Variants in EPHA5 observed in about 807,000 individuals in gnomAD.
EPHA5 encodes ephrin type-A receptor 5.
In EPHA5, 60 loss-of-function variants were observed where a neutral mutation model predicts 105.0. The observed-to-expected ratio is 0.57, with a 90% CI of 0.46 to 0.71. EPHA5 has a LOEUF of 0.71. EPHA5 is among the 30% of genes least tolerant of loss of function. EPHA5 has a pLI of 0.00. For synonymous variants in EPHA5, 513 were observed against 449.1 expected, an observed-to-expected ratio of 1.14 and a Z score of -1.80; for missense variants, 1,218 against 1,274.7, an observed-to-expected ratio of 0.96 and a Z score of 0.68.
chr4:65,331,142 G>T, intron 16 of EPHA5: 1 of 1,032,114 alleles, frequency 9.7e-7, no homozygotes, highest in Non-Finnish European at 1.2e-6. Flanking sequence ...TTTAACCTTT[G>T]AATTGGCAGG....
chr4:65,348,924 TCA>T (rs1722555047), intron 13 of EPHA5, among the ~76,000 whole-genome samples: 2 of 148,288 alleles, frequency 1.3e-5, no homozygotes, highest in Non-Finnish European at 3.0e-5. Context: ...CAAGTGATTC[TCA>T]TACTTCAGCC....
At chr4:65,559,007 C>T (rs746155455) in intron 3 of EPHA5, among the ~76,000 whole-genome samples, 4 of 152,072 alleles carry the variant, frequency 2.6e-5, no homozygotes, top group Non-Finnish European at 5.9e-5. Context: ...CAGCACACAA[C>T]ATATCCATGT....
rs371628908 is a variant in EPHA5 at position 65,472,458 on chromosome 4, C to T, written c.1402+17919G>A. Among the ~76,000 whole-genome samples the T allele has an allele frequency of 5.3e-4, 81 of 152,318 alleles. No individual in the cohort carries two copies. In the South Asian group the frequency reaches 5.6e-3, roughly 11 times the overall value. ...CCCCACATTTCCCTTCTGAGGTTTT[C>T]CATGAGGGTTCTGCCCTTACAGCAG... On this transcript the variant is annotated intron_variant, in intron 5 of 16. Transcript: ENST00000613740.
At chr4:65,542,031 C>T (rs1287706931) in intron 3 of EPHA5, among the ~76,000 whole-genome samples, 1 of 151,864 alleles carries the variant, frequency 6.6e-6, no homozygotes, top group Non-Finnish European at 1.5e-5. Flanking sequence ...TCAAGAAGTT[C>T]TTTGAAACCA....
intron 3 of EPHA5, among the ~76,000 whole-genome samples, chr4:65,548,433 A>G (rs1737591642): frequency 1.3e-5 from 2 of 151,668 alleles, no homozygotes. Context: ...TGAGACAAAG[A>G]TAATGCACTA....
intron 3 of EPHA5, among the ~76,000 whole-genome samples, chr4:65,519,794 A>G (rs1734494402): frequency 1.3e-5 from 2 of 152,176 alleles, no homozygotes; most frequent in African/African-American, 4.8e-5. Flanking sequence ...CAAAGAGAAT[A>G]AAATCCCTAG....
chr4:65,642,055 T>C lies in EPHA5; in HGVS notation c.246+1308A>G, dbSNP rs551278832. On this transcript the variant is annotated intron_variant, in intron 2 of 16. Transcript: ENST00000613740. ...CTCTTCCAAGGCTCTATTTTAATAA[T>C]GTCTGAGTGGAAACAGGAGAAAAAC... Among the ~76,000 whole-genome samples the C allele has an allele frequency of 3.3e-5, 5 of 152,110 alleles. No homozygotes were observed. In the East Asian group the frequency reaches 9.6e-4, roughly 29 times the overall value.
intron 2 of EPHA5, among the ~76,000 whole-genome samples, chr4:65,621,797 CT>C (rs1417284837): frequency 6.6e-6 from 1 of 152,030 alleles, no homozygotes; most frequent in African/African-American, 2.4e-5. Flanking sequence ...GGATTTAATC[CT>C]GGGAATATTC....
chr4:65,322,419 C>A lies in EPHA5; in HGVS notation c.*1695G>T. On this transcript the variant is annotated 3_prime_UTR_variant, in exon 17 of 17. Coordinates refer to ENST00000613740, the MANE Select transcript of EPHA5 (RefSeq NM_001281766.3). Reference sequence around the variant, plus strand: ...TGATAAATTTCATTAATCCAGGCTTCTCTGATCTACTGTACTATTAACATT... The same window carrying A: ...TGATAAATTTCATTAATCCAGGCTTATCTGATCTACTGTACTATTAACATT... The A allele has an allele frequency of 4.4e-6, 1 of 225,828 alleles. No homozygotes were observed. The allele number at this position is 225,828 out of a possible 1,614,324, so 14.0% of individuals were successfully genotyped here.
At chr4:65,435,521 A>AATTAGACTG (rs1353232292) in intron 5 of EPHA5, among the ~76,000 whole-genome samples, 1 of 152,090 alleles carries the variant, frequency 6.6e-6, no homozygotes, top group Non-Finnish European at 1.5e-5. Context: ...TAGGATATCT[A>AATTAGACTG]ATTAGACTGA....
In EPHA5 at chr4:65,590,635, T is replaced by C. The variant is rs148178972; in HGVS notation, c.910+11006A>G. 7.2e-4 allele frequency among the ~76,000 whole-genome samples: 109 copies of C among 152,224 alleles called. No homozygotes were observed. The East Asian group carries it at 0.018, about 25-fold the overall frequency. On this transcript the variant is annotated intron_variant, in intron 3 of 16. Coordinates refer to ENST00000613740, the MANE Select transcript of EPHA5 (RefSeq NM_001281766.3). ...CGTAAAAGGCATACTTTTCTATGAG[T>C]AGCATAAATTGGAGAGAAAGAGAGA...
At chr4:65,573,172 G>A (rs1243587779) in intron 3 of EPHA5, among the ~76,000 whole-genome samples, 4 of 151,966 alleles carry the variant, frequency 2.6e-5, no homozygotes, top group Non-Finnish European at 4.4e-5. Context: ...AGCACTTTGG[G>A]AGGCCGAGGC....
chr4:65,449,123 T>A (rs557207986), intron 5 of EPHA5, among the ~76,000 whole-genome samples: 2 of 152,238 alleles, frequency 1.3e-5, no homozygotes, highest in Non-Finnish European at 2.9e-5. Context: ...TAAAAATTAC[T>A]ACCTAGTGAA....
chr4:65,575,292 C>T (rs375280272), intron 3 of EPHA5, among the ~76,000 whole-genome samples: 13 of 152,138 alleles, frequency 8.5e-5, no homozygotes, highest in African/African-American at 3.1e-4. Context: ...AGTGGGCTCC[C>T]ACAAGCTGAG....
At chr4:65,565,678 C>A (rs201998984) in intron 3 of EPHA5, among the ~76,000 whole-genome samples, 14 of 147,144 alleles carry the variant, frequency 9.5e-5, no homozygotes, top group East Asian at 2.0e-4. Context: ...GAATAGCAGA[C>A]AAAAATAGCC....
At chr4:65,473,123 T>C (rs1729451317) in intron 5 of EPHA5, among the ~76,000 whole-genome samples, 1 of 152,178 alleles carries the variant, frequency 6.6e-6, no homozygotes, top group South Asian at 2.1e-4. Context: ...AACAAGGTCC[T>C]CATCTCCATC....
intron 6 of EPHA5, among the ~76,000 whole-genome samples, chr4:65,416,155 C>T (rs1348834711): frequency 2.0e-5 from 3 of 151,836 alleles, no homozygotes; most frequent in Non-Finnish European, 1.5e-5. Flanking sequence ...AAAATCTAGT[C>T]AGAATTTAAG....
intron 3 of EPHA5, among the ~76,000 whole-genome samples, chr4:65,518,317 C>A (rs1734303393): frequency 6.6e-6 from 1 of 151,640 alleles, no homozygotes; most frequent in Non-Finnish European, 1.5e-5. Context: ...TACGTATTAT[C>A]TTATAATGTG....
intron 8 of EPHA5, among the ~76,000 whole-genome samples, chr4:65,377,696 A>G (rs1186803244): frequency 6.6e-6 from 1 of 152,018 alleles, no homozygotes; most frequent in Non-Finnish European, 1.5e-5. Flanking sequence ...TACAGAATAC[A>G]TGCATTTTTC....
Sources: allele counts gnomAD v4.1 joint callset (sites outside exome capture counted in the v4.1 genomes callset), GRCh38; gene constraint gnomAD v4.1.1; transcripts MANE v1.5; gene names NCBI Gene and HGNC (gene_info 2026-07-23, HGNC 2026-07-21).